PLCD3: variants seen among roughly 807,000 people sequenced by gnomAD.
PLCD3 encodes the protein 1-phosphatidylinositol 4,5-bisphosphate phosphodiesterase delta-3.
In PLCD3, 62 loss-of-function variants were observed where a neutral mutation model predicts 82.8. The ratio of observed to expected loss-of-function variants is 0.75; its 90% CI spans 0.61 to 0.93. The LOEUF (loss-of-function observed/expected upper bound fraction) is 0.93, where lower values mean the gene tolerates loss of function less well. Ranked by LOEUF, PLCD3 falls within the 40% of genes least tolerant of loss-of-function variation. The probability of loss-of-function intolerance (pLI) is 0.00; values close to 1 mark genes in which losing one functional copy is unlikely to be tolerated. For missense variants in PLCD3, 1,023 were observed against 1,103.4 expected, an observed-to-expected ratio of 0.93 and a Z score of 1.03; for synonymous variants, 478 against 471.8, an observed-to-expected ratio of 1.01 and a Z score of -0.17.
Position 45,120,404 on chromosome 17 carries a change from A to C in PLCD3, c.605T>G (p.Met202Arg), listed in dbSNP as rs574021796. ...HRADSNQDSK[M>R]SFKEIKSLLR... ...CAGGCTCTTGATCTCCTTGAAGCTC[A>C]TCTTGCTGTCCTGGTTGGAGTCAGC... The change falls in exon 4 of 15, where the codon ATG becomes AGG. Residue 202 changes from methionine to arginine, a missense_variant. Met to Arg is a moderately conservative substitution (Grantham distance 91, BLOSUM62 -1). Transcript: ENST00000619929. The C allele has an allele frequency of 6.8e-6, 11 of 1,613,998 alleles. No homozygotes were observed. The East Asian group carries it at 2.0e-4, about 29-fold the overall frequency.
rs398030937 is a variant in PLCD3 at position 45,126,347 on chromosome 17, A to ATTTTTTTT, written c.164-4983_164-4976dup. 1.1e-4 allele frequency among the ~76,000 whole-genome samples: 9 copies of ATTTTTTTT among 79,070 alleles called. 1 individual carries two copies. The highest frequency in any genetic ancestry group is 4.2e-4 in the African/African-American group (7 of 16,626). The allele number at this position is 79,070 out of a possible 152,430, so 51.9% of individuals were successfully genotyped here. A position where few individuals can be genotyped will look rare whatever the true frequency, so the allele number is the denominator to read the frequency against. On this transcript the variant is annotated intron_variant, in intron 1 of 14. Coordinates refer to ENST00000619929, the MANE Select transcript of PLCD3 (RefSeq NM_133373.5). The stretch of plus-strand genomic sequence containing the variant: ...AGGCATGAGCCACTGCGCCCAGCCT[A>ATTTTTTTT]TTTTTTTTTTTTTTTTTTTTTTTTG...
At chr17:45,114,211 G>A (rs1039060550) in intron 11 of PLCD3, 39 bp downstream of exon 11, 1 of 1,463,892 alleles carries the variant, frequency 6.8e-7, no homozygotes, top group Non-Finnish European at 9.2e-7. Context: ...CCCACACTGT[G>A]GCACCCCGCC....
Position 45,131,952 on chromosome 17 carries a change from C to T in PLCD3, c.163+296G>A, listed in dbSNP as rs541932686. On this transcript the variant is annotated intron_variant, in intron 1 of 14. Coordinates refer to ENST00000619929, the MANE Select transcript of PLCD3 (RefSeq NM_133373.5). ...AGGGACACCCCAAGCCTCCCTCTCC[C>T]GCTCCATTCTCCTTGGAGACCCCAC... 2.0e-5 allele frequency among the ~76,000 whole-genome samples: 3 copies of T among 152,328 alleles called. No individual in the cohort carries two copies. In the East Asian group the frequency reaches 5.8e-4, roughly 29 times the overall value.
Position 45,109,298 on chromosome 17 carries a change from AGGAGCC to A in PLCD3, c.*3312_*3317del, listed in dbSNP as rs1407479011. 1 of 152,374 alleles carries A rather than the reference AGGAGCC, an allele frequency of 6.6e-6. No homozygotes were observed. The highest frequency in any genetic ancestry group is 1.5e-5 in the Non-Finnish European group (1 of 68,136). 9.4% of individuals were successfully genotyped at this position (152,374 alleles called of 1,614,324 possible). On this transcript the variant is annotated 3_prime_UTR_variant, in exon 15 of 15. Transcript: ENST00000619929. ...AGCCAGCACCTGAGCACCTCAGCAC[AGGAGCC>A]GGCCCAGGCTTCCCTAGCTGGGCAC...
intron 12 of PLCD3, 89 bp downstream of exon 12, chr17:45,113,349 TC>T (rs2054264094): frequency 1.3e-6 from 2 of 1,549,350 alleles, no homozygotes. Context: ...CTTCCAAATG[TC>T]CCCAGCCTCC....
intron 7 of PLCD3, among the ~76,000 whole-genome samples, chr17:45,117,326 G>A (rs1327579452): frequency 6.6e-6 from 1 of 152,112 alleles, no homozygotes; most frequent in Admixed American, 6.6e-5. Flanking sequence ...GTCTCCCTGT[G>A]TTCTCCAGTC....
intron 1 of PLCD3, among the ~76,000 whole-genome samples, chr17:45,131,299 C>G (rs1337673098): frequency 6.6e-6 from 1 of 152,238 alleles, no homozygotes; most frequent in Non-Finnish European, 1.5e-5. Context: ...GAGTTCCACA[C>G]CTAGCCTCTC....
Position 45,114,357 on chromosome 17 carries a change from A to G in PLCD3, c.1721T>C (p.Phe574Ser), listed in dbSNP as rs1444282824. Reference protein sequence around the residue: ...KKLIREAGNSFVRHNARQLTR... With the variant: ...KKLIREAGNSSVRHNARQLTR... ...CAGCTGGCGGGCATTGTGCCTGACA[A>G]AGCTGTTCCCTGGGGCAGAGTTGGG... is the stretch of plus-strand genomic sequence containing the variant. Residue 574 changes from phenylalanine (F) to serine (S), a missense_variant, in exon 11 of 15, where the codon TTT becomes TCT. Phe to Ser is a radical substitution (Grantham distance 155). Transcript: ENST00000619929. 6.5e-7 allele frequency: 1 copy of G among 1,548,702 alleles called. No individual in the cohort carries two copies.
At position 45,112,667 on chromosome 17, in the gene PLCD3, G is replaced by A. The variant is rs903261724; in HGVS notation, c.2319C>T (p.Ala773=). ...RHIHLLSKDG[A]SLSPATLFIQ... is the part of the protein sequence containing the mutation. ...TGAAGAGCGTGGCTGGTGACAGTGA[G>A]GCCCCGTCCTTGGAAAGCAGGTGTA... is the stretch of plus-strand genomic sequence containing the variant. Residue 773 remains alanine (A), a synonymous_variant, in exon 15 of 15, where the codon GCC becomes GCT. Transcript: ENST00000619929. 1 of 1,607,166 alleles carries A rather than the reference G, an allele frequency of 6.2e-7. No individual in the cohort carries two copies. The highest frequency in any genetic ancestry group is 1.7e-5 in the Admixed American group (1 of 59,110).
chr17:45,123,941 C>T (rs865841964), intron 1 of PLCD3, among the ~76,000 whole-genome samples: 6 of 138,572 alleles, frequency 4.3e-5, no homozygotes, highest in South Asian at 2.3e-4. Flanking sequence ...CGTGCCAGGC[C>T]GAGGGGCTCA....
At chr17:45,117,959 C>G (rs766125800) in intron 7 of PLCD3, 35 bp downstream of exon 7, 1 of 1,609,602 alleles carries the variant, frequency 6.2e-7, no homozygotes, top group East Asian at 2.2e-5. Flanking sequence ...ATTGGGAAGG[C>G]TGTGGGGCTG....
Position 45,115,114 on chromosome 17 carries a change from T to C in PLCD3, c.1691A>G (p.Lys564Arg). The change falls in exon 10 of 15, where the codon AAG becomes AGG. Residue 564 changes from lysine to arginine, a missense_variant. This residue lies in a region of PLCD3 where 553 missense variants were observed against 655.7 expected (regional missense o/e 0.84). Coordinates refer to ENST00000619929, the MANE Select transcript of PLCD3 (RefSeq NM_133373.5). ...QVSSLSERKAKKLIREAGNSF... is the reference protein window; with the variant it reads ...QVSSLSERKARKLIREAGNSF... ...CCTACCTGCCTCCCGAATGAGTTTCTTGGCTTTGCGCTCGCTGAGGGAGCT... is the reference window on the plus strand; with the variant it reads ...CCTACCTGCCTCCCGAATGAGTTTCCTGGCTTTGCGCTCGCTGAGGGAGCT... 2 of 1,601,606 alleles carry C rather than the reference T, an allele frequency of 1.2e-6. No individual in the cohort carries two copies. The highest frequency in any genetic ancestry group is 8.5e-7 in the Non-Finnish European group (1 of 1,174,152).
Position 45,118,295 on chromosome 17 carries a change from C to T in PLCD3, c.1111G>A (p.Val371Ile). The T allele has an allele frequency of 6.2e-7, 1 of 1,614,024 alleles. No individual in the cohort carries two copies. The highest frequency in any genetic ancestry group is 1.3e-5 in the African/African-American group (1 of 75,058). ...IGGPSSTEAYVRAFAQGCRCV... is the reference protein window; with the variant it reads ...IGGPSSTEAYIRAFAQGCRCV... ...ATTCACCCCCTGCTACAGTACCTAA[C>T]ATAGGCCTCGGTGCTGCTGGGCCCC... The change falls in exon 6 of 15, where the codon GTT becomes ATT. Residue 371 changes from valine to isoleucine, a missense_variant. By Grantham distance (29) the Val-to-Ile change is conservative (BLOSUM62 3). Transcript: ENST00000619929. The surrounding 1 kb of genome is among the most constrained non-coding windows in gnomAD (Gnocchi z 4.1).
At chr17:45,123,764 A>G (rs1367752798) in intron 1 of PLCD3, among the ~76,000 whole-genome samples, 1 of 152,176 alleles carries the variant, frequency 6.6e-6, no homozygotes. Context: ...CCACCTCCTT[A>G]AGAGGCCATG....
At position 45,113,587 on chromosome 17, in the gene PLCD3, G is replaced by A. The variant is rs773378433; in HGVS notation, c.1847C>T (p.Thr616Met). ...ATTGAGGTCCATCTCGTAGCCTGGC[G>A]TCTGGAAGTTCAAGGCCACTGTGGA... ...GCQLVALNFQ[T>M]PGYEMDLNAG... The change falls in exon 12 of 15, where the codon ACG becomes ATG. Residue 616 changes from threonine (T) to methionine (M), a missense_variant. This residue lies in a region of PLCD3 where 553 missense variants were observed against 655.7 expected (regional missense o/e 0.84). Transcript: ENST00000619929. 11 of 1,556,142 alleles carry A rather than the reference G, an allele frequency of 7.1e-6. No homozygotes were observed. Among genetic ancestry groups the A allele is most frequent in the East Asian group, 2.4e-5 (1 of 41,256 alleles).
intron 1 of PLCD3, among the ~76,000 whole-genome samples, chr17:45,122,636 C>G (rs1248768262): frequency 6.6e-6 from 1 of 152,202 alleles, no homozygotes; most frequent in Non-Finnish European, 1.5e-5. Flanking sequence ...CTCATGTTCT[C>G]CATCCATAAA....
At chr17:45,116,353 C>G (rs749838884) in intron 8 of PLCD3, among the ~76,000 whole-genome samples, 55 of 152,168 alleles carry the variant, frequency 3.6e-4, no homozygotes, top group South Asian at 3.1e-3. Context: ...AATGGCAGAG[C>G]CTGCAGGACT....
chr17:45,130,694 C>G (rs2054415512), intron 1 of PLCD3, among the ~76,000 whole-genome samples: 1 of 152,124 alleles, frequency 6.6e-6, no homozygotes, highest in Non-Finnish European at 1.5e-5. Flanking sequence ...CTTGGGTCTC[C>G]CTGTTTCGCC....
At chr17:45,117,064 C>T (rs2054297321) in intron 7 of PLCD3, among the ~76,000 whole-genome samples, 1 of 152,156 alleles carries the variant, frequency 6.6e-6, no homozygotes, top group Non-Finnish European at 1.5e-5. Flanking sequence ...CCTGCCTCAG[C>T]CTCCTAAGTA....
Sources: allele counts gnomAD v4.1 joint callset (sites outside exome capture counted in the v4.1 genomes callset), GRCh38; gene constraint gnomAD v4.1.1; regional missense constraint gnomAD v4.1.1; non-coding constraint Gnocchi (gnomAD v3.1); transcripts MANE v1.5; gene names NCBI Gene and HGNC (gene_info 2026-07-23, HGNC 2026-07-21).